ARHGAP32: variants seen among roughly 807,000 people sequenced by gnomAD.
The protein encoded by ARHGAP32 is Rho GTPase activating protein 32, also known as rho GTPase-activating protein 32.
Under a neutral mutation model 186.5 loss-of-function variants are expected in ARHGAP32, and 51 were observed. That is an observed-to-expected ratio of 0.27 (90% CI 0.22 to 0.35). The LOEUF is 0.35. ARHGAP32 is among the 10% of genes least tolerant of loss of function. The pLI is 1.00. For synonymous variants in ARHGAP32, 950 were observed against 964.3 expected, an observed-to-expected ratio of 0.99 and a Z score of 0.27; for missense variants, 2,186 against 2,623.5, an observed-to-expected ratio of 0.83 and a Z score of 3.64.
intron 1 of ARHGAP32, among the ~76,000 whole-genome samples, chr11:129,204,839 T>C (rs1944496574): frequency 6.6e-6 from 1 of 152,204 alleles, no homozygotes. Context: ...ATTTGGGGTA[T>C]CTTATTTTGA....
intron 1 of ARHGAP32, among the ~76,000 whole-genome samples, chr11:129,261,213 C>T (rs192232243): frequency 7.4e-4 from 112 of 151,868 alleles, no homozygotes; most frequent in African/African-American, 2.6e-3. Flanking sequence ...TATAAAGTGG[C>T]TCGGATTAGG....
chr11:129,169,257 T>G (rs1943702845), intron 1 of ARHGAP32, among the ~76,000 whole-genome samples: 1 of 152,070 alleles, frequency 6.6e-6, no homozygotes, highest in Non-Finnish European at 1.5e-5. Context: ...AGAATAAGTC[T>G]GACCAATAAA....
rs1166678447 is a variant in ARHGAP32, at chr11:128,968,510, A to AG, written c.*396dup. The stretch of plus-strand genomic sequence containing the variant: ...ACAACAGGGAATGCAGACGCCTACC[A>AG]GGAAATCGATGTGAACTGCTCTCAA... On this transcript the variant is annotated 3_prime_UTR_variant, in exon 23 of 23. Coordinates refer to ENST00000682385, the MANE Select transcript of ARHGAP32 (RefSeq NM_001378024.1). The AG allele has an allele frequency of 1.3e-5, 2 of 154,204 alleles. No homozygotes were observed. The highest frequency in any genetic ancestry group is 2.9e-5 in the Non-Finnish European group (2 of 69,556). 9.6% of individuals were successfully genotyped at this position (154,204 alleles called of 1,614,324 possible).
chr11:129,105,450 G>A (rs1274711366), intron 5 of ARHGAP32, among the ~76,000 whole-genome samples: 2 of 152,184 alleles, frequency 1.3e-5, no homozygotes, highest in African/African-American at 4.8e-5. Context: ...GAAGCAACAC[G>A]TAAAGACCGG....
In ARHGAP32 at chr11:129,066,881, A is replaced by G. The variant is rs752245357; in HGVS notation, c.532-13T>C. ...TCCAACTTTTTCCCTATTGGTAGAA[A>G]AAAGAAACTCATATAATTCACCTCT... On this transcript the variant is annotated splice_polypyrimidine_tract_variant and intron_variant, in intron 6 of 22. Transcript: ENST00000682385. The G allele has an allele frequency of 8.8e-6, 14 of 1,586,344 alleles. No individual in the cohort carries two copies. Among genetic ancestry groups the G allele is most frequent in the Non-Finnish European group, 1.2e-5 (14 of 1,163,356 alleles).
At chr11:129,195,166 G>A (rs1385113020), upstream of ARHGAP32, among the ~76,000 whole-genome samples, 1 of 152,066 alleles carries the variant, frequency 6.6e-6, no homozygotes, top group East Asian at 1.9e-4. Flanking sequence ...TTTTAGTAGA[G>A]ATGGGGTTTC....
chr11:129,197,206 C>T (rs765362713), upstream of ARHGAP32, among the ~76,000 whole-genome samples: 4 of 152,036 alleles, frequency 2.6e-5, no homozygotes, highest in Non-Finnish European at 5.9e-5. Flanking sequence ...TTATTTTCTC[C>T]TTTTTGGGGG....
intron 1 of ARHGAP32, among the ~76,000 whole-genome samples, chr11:129,253,072 G>C (rs1481224051): frequency 1.3e-5 from 2 of 152,158 alleles, no homozygotes; most frequent in Non-Finnish European, 2.9e-5. Flanking sequence ...GAGATGGAGA[G>C]AGGCAGACAA....
intron 2 of ARHGAP32, among the ~76,000 whole-genome samples, chr11:129,136,681 A>G (rs1942942349): frequency 6.6e-6 from 1 of 152,138 alleles, no homozygotes; most frequent in Non-Finnish European, 1.5e-5. Context: ...TCAAGAATGC[A>G]AAGATGGCTT....
At position 129,055,235 on chromosome 11, in the gene ARHGAP32, A is replaced by T. The variant is rs566246036; in HGVS notation, c.963+7045T>A. On this transcript the variant is annotated intron_variant, in intron 10 of 22. Transcript: ENST00000682385. ...AAACACTATTCCTCAAACTAACTTT[A>T]TGTGTTGGACCTATTAGAATGGCTA... Among the ~76,000 whole-genome samples, 276 of 152,310 alleles carry T rather than the reference A, an allele frequency of 1.8e-3. 1 individual carries two copies. The highest frequency in any genetic ancestry group is 3.5e-3 in the Non-Finnish European group (237 of 68,020).
chr11:129,255,754 T>C (rs1204696076), intron 1 of ARHGAP32, among the ~76,000 whole-genome samples: 1 of 151,936 alleles, frequency 6.6e-6, no homozygotes, highest in Non-Finnish European at 1.5e-5. Flanking sequence ...AAGGACTACG[T>C]TAAAAACAAT....
chr11:129,054,117 G>A (rs1328017515), intron 10 of ARHGAP32, among the ~76,000 whole-genome samples: 3 of 151,360 alleles, frequency 2.0e-5, no homozygotes, highest in East Asian at 1.9e-4. Context: ...ACTTGTGCAC[G>A]AAAACTCACA....
At chr11:129,189,453 G>GT (rs1215035845) in intron 1 of ARHGAP32, among the ~76,000 whole-genome samples, 19 of 152,164 alleles carry the variant, frequency 1.2e-4, no homozygotes, top group African/African-American at 4.6e-4. Context: ...TCTAAGTAAA[G>GT]TTTTTCTTTC....
intron 1 of ARHGAP32, among the ~76,000 whole-genome samples, chr11:129,216,711 T>C (rs1944652432): frequency 6.6e-6 from 1 of 151,716 alleles, no homozygotes. Flanking sequence ...TTTCAGATTT[T>C]AGCTGAGTCC....
chr11:128,968,240 G>A lies in ARHGAP32; in HGVS notation c.*667C>T, dbSNP rs1945263133. On this transcript the variant is annotated 3_prime_UTR_variant, in exon 23 of 23. Coordinates refer to ENST00000682385, the MANE Select transcript of ARHGAP32 (RefSeq NM_001378024.1). ...CAAGGATGAAAAATAAGAATAGAAA[G>A]AGTATGGTTCAGCCTGAGTCTAAGT... 6.6e-6 allele frequency: 1 copy of A among 152,288 alleles called. No homozygotes were observed. Among genetic ancestry groups the A allele is most frequent in the Middle Eastern group, 3.4e-3 (1 of 294 alleles). 9.4% of individuals were successfully genotyped at this position (152,288 alleles called of 1,614,324 possible).
chr11:128,998,512 T>C (rs1314104066), intron 11 of ARHGAP32, 44 bp from the exon 12 acceptor site: 1 of 1,438,088 alleles, frequency 7.0e-7, no homozygotes, highest in Non-Finnish European at 9.3e-7. Flanking sequence ...TGGCAAGAGG[T>C]TACATTTTAC....
intron 10 of ARHGAP32, among the ~76,000 whole-genome samples, chr11:129,048,097 C>A (rs1188432815): frequency 2.6e-5 from 4 of 151,672 alleles, no homozygotes; most frequent in African/African-American, 9.7e-5. Flanking sequence ...CTTGTATGTC[C>A]CCCAAAAGCA....
At chr11:128,975,779 C>T (rs1050804507) in intron 20 of ARHGAP32, among the ~76,000 whole-genome samples, 9 of 152,072 alleles carry the variant, frequency 5.9e-5, no homozygotes, top group African/African-American at 1.9e-4. Flanking sequence ...CCGGTCACAG[C>T]GGTTCATGCC....
intron 2 of ARHGAP32, among the ~76,000 whole-genome samples, chr11:129,147,874 A>T (rs971763727): frequency 1.3e-5 from 2 of 152,204 alleles, no homozygotes; most frequent in Non-Finnish European, 2.9e-5. Flanking sequence ...AATGAAAACA[A>T]GATGACCCCT....
Sources: gnomAD v4.1 joint callset for allele counts (sites outside exome capture counted in the v4.1 genomes callset) on GRCh38, gnomAD v4.1.1 for gene constraint, MANE v1.5 for transcripts, NCBI Gene and HGNC (gene_info 2026-07-23, HGNC 2026-07-21) for gene names.